Variants in CCDC186 observed in about 807,000 individuals in gnomAD.
CCDC186 encodes the protein coiled-coil domain-containing protein 186.
Under a neutral mutation model 113.7 loss-of-function variants are expected in CCDC186, and 49 were observed. The ratio of observed to expected loss-of-function variants is 0.43; its 90% CI spans 0.34 to 0.55. CCDC186 has a LOEUF of 0.55. Among genes scored for constraint, CCDC186 ranks in the 20% least tolerant of loss-of-function variants. The pLI is 0.02. For synonymous variants in CCDC186, 355 were observed against 345.8 expected (o/e 1.03, Z -0.30); for missense variants, 890 against 1,011.1 (o/e 0.88, Z 1.62).
intron 1 of CCDC186, among the ~76,000 whole-genome samples, chr10:114,164,986 C>T (rs570707588): frequency 6.6e-6 from 1 of 152,216 alleles, no homozygotes; most frequent in Admixed American, 6.5e-5. Flanking sequence ...TTAATTAAAG[C>T]CTGTAAGCAC....
At chr10:114,134,072 C>G (rs2031177946) in intron 10 of CCDC186, among the ~76,000 whole-genome samples, 1 of 152,136 alleles carries the variant, frequency 6.6e-6, no homozygotes, top group African/African-American at 2.4e-5. Context: ...GGAGTTTCTT[C>G]CATGATAACA....
chr10:114,173,850 C>G (rs2119820047), intron 1 of CCDC186, among the ~76,000 whole-genome samples, 165 bp downstream of exon 1: 1 of 152,376 alleles, frequency 6.6e-6, no homozygotes, highest in East Asian at 1.9e-4. Context: ...CCTTCCTCCG[C>G]GCCCTCAAAG....
At chr10:114,155,249 T>A (rs1387025465) in intron 3 of CCDC186, among the ~76,000 whole-genome samples, 1 of 152,236 alleles carries the variant, frequency 6.6e-6, no homozygotes, top group Non-Finnish European at 1.5e-5. Context: ...TCAATAAACC[T>A]GTTGAAAAAG....
In CCDC186 at chr10:114,151,121, G is replaced by A; in HGVS notation, c.859C>T (p.His287Tyr). ...VTAKNAVQQL[H>Y]KEMAQRMEQA... ...TCCATCCGTTGGGCCATCTCTTTGT[G>A]TAACTGCTGAACTGCATTTTTAGCT... Residue 287 changes from histidine to tyrosine, a missense_variant, in exon 4 of 16, where the codon CAC (histidine) becomes TAC (tyrosine). Coordinates refer to ENST00000369287, the MANE Select transcript of CCDC186 (RefSeq NM_018017.4). The A allele has an allele frequency of 6.2e-7, 1 of 1,613,746 alleles. No individual in the cohort carries two copies. Among genetic ancestry groups the A allele is most frequent in the Non-Finnish European group, 8.5e-7 (1 of 1,179,852 alleles).
chr10:114,160,225 G>A (rs201919296), intron 2 of CCDC186, among the ~76,000 whole-genome samples: 5 of 150,386 alleles, frequency 3.3e-5, no homozygotes, highest in Admixed American at 6.6e-5. Context: ...AGCTGAGGTC[G>A]CGCCACTGCA....
In CCDC186 at chr10:114,135,040, C is replaced by G. The variant is rs746252714; in HGVS notation, c.1528G>C (p.Asp510His). ...TCATCTTCTGTTCTTAATCGTTCAT[C>G]TTCTAGACATTTCACCTATCAAATG... ...TLRTKVKCLE[D>H]ERLRTEDELS... Residue 510 changes from aspartate to histidine, a missense_variant, in exon 10 of 16, where the codon GAT becomes CAT. Transcript: ENST00000369287. The G allele has an allele frequency of 6.2e-7, 1 of 1,606,836 alleles. No homozygotes were observed. Among genetic ancestry groups the G allele is most frequent in the East Asian group, 2.2e-5 (1 of 44,620 alleles).
chr10:114,145,921 A>G lies in CCDC186; in HGVS notation c.889-160T>C, dbSNP rs149107805. Among the ~76,000 whole-genome samples, 865 of 152,346 alleles carry G rather than the reference A, an allele frequency of 5.7e-3. 3 individuals carry two copies. The highest frequency in any genetic ancestry group is 9.1e-3 in the Non-Finnish European group (619 of 68,034). On this transcript the variant is annotated intron_variant, in intron 4 of 15. Transcript: ENST00000369287. ...ATGAAATTTTAAAATGAAAGAAAAAATTTAAAATTATAGAAAAATGGTACA... is the reference window on the plus strand; with the variant it reads ...ATGAAATTTTAAAATGAAAGAAAAAGTTTAAAATTATAGAAAAATGGTACA...
chr10:114,137,632 G>A (rs1473792806), intron 6 of CCDC186, among the ~76,000 whole-genome samples: 1 of 152,154 alleles, frequency 6.6e-6, no homozygotes, highest in Non-Finnish European at 1.5e-5. Flanking sequence ...GCCGGACGTG[G>A]TGGCTCACGC....
intron 6 of CCDC186, among the ~76,000 whole-genome samples, chr10:114,140,509 G>C (rs768182088): frequency 1.3e-5 from 2 of 152,210 alleles, no homozygotes; most frequent in Non-Finnish European, 2.9e-5. Flanking sequence ...CATCCAAGAT[G>C]TCGTATGTCA....
Position 114,163,025 on chromosome 10 carries a change from T to C in CCDC186, c.244A>G (p.Lys82Glu), listed in dbSNP as rs2032226362. Residue 82 changes from lysine to glutamate, a missense_variant, in exon 2 of 16, where the codon AAA becomes GAA. Transcript: ENST00000369287. Reference sequence around the variant, plus strand: ...GAATTTTCTGAGCCTGTGTCTGTTTTGGCACAAGAATCCTCACCTCCACCA... The same window carrying C: ...GAATTTTCTGAGCCTGTGTCTGTTTCGGCACAAGAATCCTCACCTCCACCA... ...DHGGGEDSCAKTDTGSENSEQ... is the reference protein window; with the variant it reads ...DHGGGEDSCAETDTGSENSEQ... The C allele has an allele frequency of 6.2e-7, 1 of 1,614,152 alleles. No homozygotes were observed. The highest frequency in any genetic ancestry group is 8.5e-7 in the Non-Finnish European group (1 of 1,179,998).
At chr10:114,126,522 A>C (rs1412991666) in intron 14 of CCDC186, among the ~76,000 whole-genome samples, 1 of 151,924 alleles carries the variant, frequency 6.6e-6, no homozygotes, top group Non-Finnish European at 1.5e-5. Context: ...ATGCCTGAAT[A>C]ATTTTTTTTT....
chr10:114,161,226 C>T (rs2119818135), intron 2 of CCDC186, among the ~76,000 whole-genome samples: 1 of 152,274 alleles, frequency 6.6e-6, no homozygotes, highest in Middle Eastern at 3.4e-3. Context: ...ACTCACAAAG[C>T]TCAGATTTTA....
At chr10:114,165,849 C>CCAAAAA in intron 1 of CCDC186, 1 of 685,852 alleles carries the variant, frequency 1.5e-6, no homozygotes, top group Non-Finnish European at 1.7e-6. Flanking sequence ...CACTTTGTCT[C>CCAAAAA]AAAAAAAAAA....
At chr10:114,135,578 G>C (rs545273424) in intron 9 of CCDC186, among the ~76,000 whole-genome samples, 2 of 152,230 alleles carry the variant, frequency 1.3e-5, no homozygotes, top group South Asian at 4.1e-4. Flanking sequence ...ACAGTTCTAA[G>C]GTCCAACTAT....
At chr10:114,153,505 G>T (rs1459537235) in intron 3 of CCDC186, among the ~76,000 whole-genome samples, 1 of 152,126 alleles carries the variant, frequency 6.6e-6, no homozygotes, top group Non-Finnish European at 1.5e-5. Flanking sequence ...AAGAAAGGGG[G>T]CCAGGCGGGG....
intron 1 of CCDC186, among the ~76,000 whole-genome samples, chr10:114,167,211 G>T (rs912792530): frequency 3.4e-4 from 51 of 151,852 alleles, no homozygotes; most frequent in African/African-American, 1.2e-3. Flanking sequence ...AGTGTAGACG[G>T]GGTTTCACCA....
intron 15 of CCDC186, 132 bp from the exon 16 acceptor site, chr10:114,125,358 T>G (rs929923623): frequency 1.2e-5 from 7 of 597,336 alleles, no homozygotes; most frequent in African/African-American, 3.8e-5. Context: ...CTATGTCAGA[T>G]AAACTAGTGA....
At chr10:114,136,615 T>A (rs115947870) in intron 7 of CCDC186, among the ~76,000 whole-genome samples, 3 of 152,248 alleles carry the variant, frequency 2.0e-5, no homozygotes, top group Admixed American at 2.0e-4. Context: ...AGTTATTAGG[T>A]TATTAACCTA....
At chr10:114,157,766 G>C in intron 2 of CCDC186, 86 bp from the exon 3 acceptor site, 1 of 1,011,658 alleles carries the variant, frequency 9.9e-7, no homozygotes, top group South Asian at 1.5e-5. Context: ...TTACAGATCA[G>C]GGTACAGATA....
Sources: gnomAD v4.1 joint callset for allele counts (sites outside exome capture counted in the v4.1 genomes callset) on GRCh38, gnomAD v4.1.1 for gene constraint, MANE v1.5 for transcripts, NCBI Gene and HGNC (gene_info 2026-07-23, HGNC 2026-07-21) for gene names.